The following DOCK4 variants were observed in gnomAD, a reference collection of about 807,000 sequenced individuals.
DOCK4 encodes dedicator of cytokinesis 4.
In DOCK4, 97 loss-of-function variants were observed where a neutral mutation model predicts 268.1. That is an observed-to-expected ratio of 0.36 (90% confidence interval 0.31 to 0.43). DOCK4 has a LOEUF of 0.43. Ranked by LOEUF, DOCK4 falls within the 20% of genes least tolerant of loss-of-function variation. The pLI is 1.00. For synonymous variants in DOCK4, 954 were observed against 887.2 expected (o/e 1.08, Z -1.34); for missense variants, 2,145 against 2,455.7 (o/e 0.87, Z 2.67).
intron 8 of DOCK4, among the ~76,000 whole-genome samples, chr7:111,950,026 A>T (rs1278710406): frequency 6.6e-6 from 1 of 152,192 alleles, no homozygotes; most frequent in African/African-American, 2.4e-5. Flanking sequence ...TCCCAGGTTC[A>T]AGTGATTCTC....
intron 1 of DOCK4, among the ~76,000 whole-genome samples, chr7:112,135,937 G>A (rs1814302775): frequency 6.6e-6 from 1 of 152,044 alleles, no homozygotes; most frequent in Non-Finnish European, 1.5e-5. Context: ...CAGGCCACCT[G>A]CCCCAAATGA....
intron 1 of DOCK4, among the ~76,000 whole-genome samples, chr7:112,033,932 T>C (rs2135470848): frequency 6.6e-6 from 1 of 152,332 alleles, no homozygotes; most frequent in East Asian, 1.9e-4. Context: ...TCTCAAATGA[T>C]AGCATATAAA....
At chr7:112,025,905 T>C (rs1457927607) in intron 1 of DOCK4, among the ~76,000 whole-genome samples, 1 of 152,118 alleles carries the variant, frequency 6.6e-6, no homozygotes, top group East Asian at 1.9e-4. Context: ...CCCTGGCTAC[T>C]CCTACACAAG....
intron 12 of DOCK4, among the ~76,000 whole-genome samples, chr7:111,921,353 T>G (rs533345949): frequency 6.6e-6 from 1 of 152,336 alleles, no homozygotes; most frequent in African/African-American, 2.4e-5. Flanking sequence ...TACTTGGAAG[T>G]TCTAATTTCA....
intron 8 of DOCK4, among the ~76,000 whole-genome samples, chr7:111,950,413 T>G (rs1795965494): frequency 1.3e-5 from 2 of 152,262 alleles, no homozygotes; most frequent in Non-Finnish European, 2.9e-5. Context: ...AAGATATGCA[T>G]ACCTCCATTA....
At chr7:111,870,705 G>A (rs1806353027) in intron 20 of DOCK4, among the ~76,000 whole-genome samples, 1 of 152,152 alleles carries the variant, frequency 6.6e-6, no homozygotes, top group South Asian at 2.1e-4. Context: ...GTAGGTAGAT[G>A]TTGGTGGAGT....
At position 111,758,543 on chromosome 7, in the gene DOCK4, GTAAA is replaced by G; in HGVS notation, c.4329+77_4329+80del. On this transcript the variant is annotated intron_variant, in intron 41 of 52. Transcript: ENST00000428084. ...TTTCTGTCACTTGACACTATTCTGA[GTAAA>G]TATTTACCAAGGGCTGTGCCCCAAG... 4 of 1,473,836 alleles carry G rather than the reference GTAAA, an allele frequency of 2.7e-6. No homozygotes were observed. The East Asian group carries it at 9.3e-5, about 34-fold the overall frequency. 91.3% of individuals were successfully genotyped at this position (1,473,836 alleles called of 1,614,324 possible).
chr7:111,789,249 T>G (rs1799374397), intron 31 of DOCK4: 1 of 162,102 alleles, frequency 6.2e-6, no homozygotes, highest in Non-Finnish European at 1.4e-5. Context: ...GTACAGATGG[T>G]AGATCCATAG....
intron 1 of DOCK4, among the ~76,000 whole-genome samples, chr7:112,018,287 G>A (rs1048154196): frequency 4.7e-5 from 7 of 148,098 alleles, no homozygotes; most frequent in African/African-American, 1.7e-4. Flanking sequence ...TCCTCTCAAT[G>A]ACTATTTTTA....
At chr7:111,933,331 T>C (rs1322777657) in intron 12 of DOCK4, among the ~76,000 whole-genome samples, 3 of 144,788 alleles carry the variant, frequency 2.1e-5, no homozygotes, top group Non-Finnish European at 4.5e-5. Flanking sequence ...AGTCTCTCTC[T>C]GTCGCCAGGC....
intron 12 of DOCK4, among the ~76,000 whole-genome samples, chr7:111,926,123 A>G (rs1793620590): frequency 1.0e-5 from 1 of 99,158 alleles, no homozygotes; most frequent in Non-Finnish European, 2.2e-5. Context: ...AAAGAGAAAA[A>G]GAAAGAAAGA....
At chr7:112,003,874 A>C (rs1316879046) in intron 2 of DOCK4, among the ~76,000 whole-genome samples, 174 bp downstream of exon 2, 3 of 152,264 alleles carry the variant, frequency 2.0e-5, no homozygotes, top group Non-Finnish European at 4.4e-5. Flanking sequence ...CAGCTTAAAA[A>C]TAGGAAATGA....
In DOCK4 at chr7:111,945,725, G is replaced by A. The variant is rs1377625133; in HGVS notation, c.775C>T (p.Leu259Phe). The change falls in exon 9 of 53, where the codon CTC (leucine) becomes TTC (phenylalanine). Residue 259 changes from leucine to phenylalanine, a missense_variant. Leu to Phe is a conservative substitution (Grantham distance 22). Around this residue, in one of 2 missense-constraint regions of DOCK4, gnomAD observed 1,598 missense variants for 1,986.7 expected, o/e 0.80. Transcript: ENST00000428084. Reference sequence around the variant, plus strand: ...AAACAAGATCCACTCACCACAAAGAGGGAGCAATGTCGTTCCGGTTTATCA... The same window carrying A: ...AAACAAGATCCACTCACCACAAAGAAGGAGCAATGTCGTTCCGGTTTATCA... ...APDKPERHCS[L>F]FVDLGSSELR... 1.3e-6 allele frequency: 2 copies of A among 1,594,950 alleles called. No individual in the cohort carries two copies. The highest frequency in any genetic ancestry group is 1.3e-5 in the African/African-American group (1 of 74,758).
chr7:112,066,174 C>G (rs1357390026), intron 1 of DOCK4, among the ~76,000 whole-genome samples: 2 of 152,092 alleles, frequency 1.3e-5, no homozygotes, highest in East Asian at 3.9e-4. Flanking sequence ...TGGGCTGCAC[C>G]CTCACCCACT....
chr7:111,763,895 T>C (rs1797609118), intron 39 of DOCK4, among the ~76,000 whole-genome samples: 1 of 152,260 alleles, frequency 6.6e-6, no homozygotes, highest in Non-Finnish European at 1.5e-5. Context: ...GGTCTTGCTC[T>C]GTTGTCCAGA....
At position 111,870,811 on chromosome 7, in the gene DOCK4, C is replaced by A. The variant is rs550519285; in HGVS notation, c.2028-1156G>T. Among the ~76,000 whole-genome samples, 17 of 152,286 alleles carry A rather than the reference C, an allele frequency of 1.1e-4. 1 individual carries two copies. The highest frequency in any genetic ancestry group is 3.9e-4 in the African/African-American group (16 of 41,544). ...TTTGTCTTTTTAAGATCCTGCTTTCCTGGCCAACCGGAAGTGTGAGAAATT... is the reference window on the plus strand; with the variant it reads ...TTTGTCTTTTTAAGATCCTGCTTTCATGGCCAACCGGAAGTGTGAGAAATT... On this transcript the variant is annotated intron_variant, in intron 20 of 52. Coordinates refer to ENST00000428084, the MANE Select transcript of DOCK4 (RefSeq NM_001363540.2).
At chr7:112,118,133 AAT>A (rs71867772) in intron 1 of DOCK4, among the ~76,000 whole-genome samples, 18 of 148,556 alleles carry the variant, frequency 1.2e-4, no homozygotes, top group East Asian at 2.0e-4. Flanking sequence ...TCTTATTTAT[AAT>A]ATATATATAT....
At chr7:111,882,419 A>C (rs1807466021) in intron 16 of DOCK4, among the ~76,000 whole-genome samples, 1 of 152,178 alleles carries the variant, frequency 6.6e-6, no homozygotes, top group Non-Finnish European at 1.5e-5. Flanking sequence ...TTTAAATTAA[A>C]ATTTTGAGGA....
intron 1 of DOCK4, among the ~76,000 whole-genome samples, chr7:112,087,705 C>T (rs1481823565): frequency 6.6e-6 from 1 of 152,096 alleles, no homozygotes; most frequent in Non-Finnish European, 1.5e-5. Flanking sequence ...TGGGTTATCT[C>T]CTAAATAGAG....
Sources: allele counts gnomAD v4.1 joint callset (sites outside exome capture counted in the v4.1 genomes callset), GRCh38; gene constraint gnomAD v4.1.1; regional missense constraint gnomAD v4.1.1; transcripts MANE v1.5; gene names NCBI Gene and HGNC (gene_info 2026-07-23, HGNC 2026-07-21).